The following LEPR variants were observed in gnomAD, a reference collection of about 807,000 sequenced individuals.
The protein encoded by LEPR is leptin receptor.
A neutral mutation model predicts 114.7 loss-of-function variants in LEPR; 56 were observed. The ratio of observed to expected loss-of-function variants is 0.49; its 90% CI spans 0.39 to 0.61. LEPR has a LOEUF of 0.61. Among genes scored for constraint, LEPR ranks in the 20% least tolerant of loss-of-function variants. The pLI is 0.00. For synonymous variants in LEPR, 443 were observed against 461.4 expected, an observed-to-expected ratio of 0.96 and a Z score of 0.51; for missense variants, 1,202 against 1,352.9, an observed-to-expected ratio of 0.89 and a Z score of 1.75.
chr1:65,605,297 A>G lies in LEPR; in HGVS notation c.1603+60A>G. On this transcript the variant is annotated intron_variant, in intron 11 of 19. Coordinates refer to ENST00000349533, the MANE Select transcript of LEPR (RefSeq NM_002303.6). ...AGCAGATTTGTATGCAGATTGATGC[A>G]GATTTAATGTTATATTTTGCCATTT... The G allele has an allele frequency of 2.5e-6, 4 of 1,596,738 alleles. No individual in the cohort carries two copies. The Admixed American group carries it at 6.7e-5, about 27-fold the overall frequency.
At chr1:65,567,188 T>G (rs1200792216) in intron 3 of LEPR, among the ~76,000 whole-genome samples, 2 of 152,182 alleles carry the variant, frequency 1.3e-5, no homozygotes, top group Non-Finnish European at 2.9e-5. Flanking sequence ...TTTGCAAAGT[T>G]GCATGTGGAT....
rs1179232996 is a variant in LEPR at position 65,610,076 on chromosome 1, C to T, written c.1882C>T (p.Pro628Ser). ...GGGATATTGGAGTAATTGGAGCAAT[C>T]CAGCCTACACAGTTGTCATGGATAT... ...GLGYWSNWSN[P>S]AYTVVMDIKV... The change falls in exon 13 of 20, where the codon CCA becomes TCA. Residue 628 changes from proline to serine, a missense_variant. Physicochemically the swap from Pro to Ser is moderately conservative, Grantham distance 74. Coordinates refer to ENST00000349533, the MANE Select transcript of LEPR (RefSeq NM_002303.6). 1 of 1,614,064 alleles carries T rather than the reference C, an allele frequency of 6.2e-7. No homozygotes were observed. Among genetic ancestry groups the T allele is most frequent in the South Asian group, 1.1e-5 (1 of 91,092 alleles).
chr1:65,495,532 G>C (rs1221914718), intron 2 of LEPR, among the ~76,000 whole-genome samples: 1 of 152,150 alleles, frequency 6.6e-6, no homozygotes, highest in Non-Finnish European at 1.5e-5. Context: ...ATATGATCCA[G>C]CAATCTCACT....
At chr1:65,436,993 C>T (rs1013529995) in intron 2 of LEPR, among the ~76,000 whole-genome samples, 3 of 152,076 alleles carry the variant, frequency 2.0e-5, no homozygotes, top group Non-Finnish European at 4.4e-5. Flanking sequence ...ACAGCCTTCT[C>T]CTCAAAATTG....
At position 65,420,730 on chromosome 1, in the gene LEPR, G is replaced by T; in HGVS notation, c.-107G>T. ...GCGGCCCCAGTTCGGGAGACATGGC[G>T]GGCGTTAAAGGTACATCGCGGTCCC... On this transcript the variant is annotated 5_prime_UTR_variant, in exon 1 of 20. Coordinates refer to ENST00000349533, the MANE Select transcript of LEPR (RefSeq NM_002303.6). 1.3e-6 allele frequency: 2 copies of T among 1,583,022 alleles called. No homozygotes were observed. Among genetic ancestry groups the T allele is most frequent in the East Asian group, 2.3e-5 (1 of 43,336 alleles).
At chr1:65,628,906 C>T (rs1658367664) in intron 19 of LEPR, among the ~76,000 whole-genome samples, 1 of 152,024 alleles carries the variant, frequency 6.6e-6, no homozygotes, top group African/African-American at 2.4e-5. Flanking sequence ...AGGACAGTCC[C>T]CTTTTCCACC....
intron 19 of LEPR, among the ~76,000 whole-genome samples, chr1:65,627,721 T>C (rs779356608): frequency 4.6e-5 from 7 of 151,950 alleles, no homozygotes; most frequent in Non-Finnish European, 8.8e-5. Flanking sequence ...GATGAATAAA[T>C]AAGCAAACAA....
At chr1:65,420,852 TC>T in intron 1 of LEPR, 112 bp downstream of exon 1, 1 of 1,288,518 alleles carries the variant, frequency 7.8e-7, no homozygotes, top group Non-Finnish European at 1.1e-6. Context: ...TCACCACCCT[TC>T]CCGCCTCTCC....
intron 2 of LEPR, among the ~76,000 whole-genome samples, chr1:65,487,015 T>C (rs1219052563): frequency 6.6e-6 from 1 of 152,154 alleles, no homozygotes; most frequent in Non-Finnish European, 1.5e-5. Context: ...ATAAAACAGT[T>C]TATTCAATCT....
rs986483123 is a variant in LEPR at position 65,545,987 on chromosome 1, A to G, written c.-20-19559A>G. Among the ~76,000 whole-genome samples the G allele has an allele frequency of 1.9e-4, 29 of 151,490 alleles. No individual in the cohort carries two copies. The Middle Eastern group carries it at 0.02, about 107-fold the overall frequency. Reference sequence around the variant, plus strand: ...TCCATCTTGAATTAATTTTTGTATAAGGTGTAAGGAAGGGATCCAGTTTCA... The same window carrying G: ...TCCATCTTGAATTAATTTTTGTATAGGGTGTAAGGAAGGGATCCAGTTTCA... On this transcript the variant is annotated intron_variant, in intron 2 of 19. Transcript: ENST00000349533.
intron 2 of LEPR, among the ~76,000 whole-genome samples, chr1:65,427,368 G>A (rs530915871): frequency 1.3e-5 from 2 of 152,238 alleles, no homozygotes; most frequent in Admixed American, 6.5e-5. Context: ...GAAGCCAGGA[G>A]TTTGAGACCA....
At chr1:65,494,008 G>A (rs2100500602) in intron 2 of LEPR, 1 of 152,262 alleles carries the variant, frequency 6.6e-6, no homozygotes, top group Non-Finnish European at 1.5e-5. Flanking sequence ...CGTCTGCTTT[G>A]GAGGTTTTGC....
In LEPR at chr1:65,633,367, A is replaced by G; in HGVS notation, c.2674-2824A>G. 1 of 1,333,514 alleles carries G rather than the reference A, an allele frequency of 7.5e-7. No homozygotes were observed. The highest frequency in any genetic ancestry group is 2.3e-5 in the South Asian group (1 of 42,860). The allele number at this position is 1,333,514 out of a possible 1,614,324, so 82.6% of individuals were successfully genotyped here. The stretch of plus-strand genomic sequence containing the variant: ...GTGTAAATTTGGGTTCAAAATGTAG[A>G]TTTGAGTCCAGTTTGGATGTGTGAT... On this transcript the variant is annotated intron_variant, in intron 19 of 19. Coordinates refer to ENST00000349533, the MANE Select transcript of LEPR (RefSeq NM_002303.6). This position sits in a 1 kb window ranked among gnomAD's most constrained non-coding sequence, Gnocchi z 4.1.
intron 19 of LEPR, 120 bp downstream of exon 19, chr1:65,623,101 TA>T (rs1657982690): frequency 1.0e-6 from 1 of 960,076 alleles, no homozygotes; most frequent in African/African-American, 1.7e-5. Context: ...CAATTCATCT[TA>T]ATATATCTGT....
chr1:65,438,254 C>A (rs779703602), intron 2 of LEPR, among the ~76,000 whole-genome samples: 1 of 151,252 alleles, frequency 6.6e-6, no homozygotes, highest in Non-Finnish European at 1.5e-5. Flanking sequence ...GTTATGGCCA[C>A]GATAAAGAAG....
In LEPR at chr1:65,610,264, A is replaced by G; in HGVS notation, c.1963A>G (p.Lys655Glu). 3 of 1,613,618 alleles carry G rather than the reference A, an allele frequency of 1.9e-6. No homozygotes were observed. The highest frequency in any genetic ancestry group is 2.5e-6 in the Non-Finnish European group (3 of 1,179,728). The change falls in exon 14 of 20, where the codon AAA becomes GAA. Residue 655 changes from lysine (K) to glutamate (E), a missense_variant. Coordinates refer to ENST00000349533, the MANE Select transcript of LEPR (RefSeq NM_002303.6). ...GAGAATAATTAATGGAGATACTATG[A>G]AAAAGGAGAAAAATGTCACTTTACT... ...FWRIINGDTM[K>E]KEKNVTLLWK...
At chr1:65,470,970 G>A (rs1161572201) in intron 2 of LEPR, among the ~76,000 whole-genome samples, 1 of 152,142 alleles carries the variant, frequency 6.6e-6, no homozygotes, top group East Asian at 1.9e-4. Flanking sequence ...TCTTCTTCAC[G>A]TGGTTCAAAA....
At chr1:65,429,845 C>T in intron 2 of LEPR, 1 of 1,399,384 alleles carries the variant, frequency 7.1e-7, no homozygotes, top group Non-Finnish European at 9.4e-7. Context: ...TGGATTTTGC[C>T]TGGGTCCAAC....
At chr1:65,484,186 C>T (rs1333319796) in intron 2 of LEPR, among the ~76,000 whole-genome samples, 4 of 151,932 alleles carry the variant, frequency 2.6e-5, no homozygotes, top group Admixed American at 6.6e-5. Context: ...TGTTTGTATC[C>T]GTCCACTAGG....
Sources: gnomAD v4.1 joint callset for allele counts (sites outside exome capture counted in the v4.1 genomes callset) on GRCh38, gnomAD v4.1.1 for gene constraint, Gnocchi (gnomAD v3.1) non-coding constraint, MANE v1.5 for transcripts, NCBI Gene and HGNC (gene_info 2026-07-23, HGNC 2026-07-21) for gene names.